DGKB: variants seen among roughly 807,000 people sequenced by gnomAD.
DGKB encodes 90 kDa diacylglycerol kinase.
A neutral mutation model predicts 114.3 loss-of-function variants in DGKB; 67 were observed. That is an observed-to-expected ratio of 0.59 (90% CI 0.48 to 0.72). The LOEUF is 0.72. DGKB is among the 30% of genes least tolerant of loss of function. The pLI, the probability that DGKB is intolerant of heterozygous loss-of-function variation, is 0.00. For missense variants in DGKB, 907 were observed against 975.2 expected (o/e 0.93, Z 0.93); for synonymous variants, 398 against 323.1 (o/e 1.23, Z -2.49).
chr7:14,506,263 C>G (rs572344472), intron 20 of DGKB, among the ~76,000 whole-genome samples: 1 of 152,214 alleles, frequency 6.6e-6, no homozygotes, highest in Admixed American at 6.5e-5. Context: ...AGGATGTTGT[C>G]TTGACTCAAC....
At chr7:14,714,415 A>G (rs1040537604) in intron 6 of DGKB, among the ~76,000 whole-genome samples, 1 of 152,174 alleles carries the variant, frequency 6.6e-6, no homozygotes, top group Non-Finnish European at 1.5e-5. Flanking sequence ...CTGTGGAGTC[A>G]GATCGGTGTA....
chr7:14,340,276 G>A (rs994757687), intron 22 of DGKB, among the ~76,000 whole-genome samples: 26 of 145,838 alleles, frequency 1.8e-4, no homozygotes, highest in African/African-American at 5.6e-4. Flanking sequence ...CTCACTTACC[G>A]CTATATATTC....
intron 13 of DGKB, among the ~76,000 whole-genome samples, chr7:14,664,273 T>C (rs1817652465): frequency 6.6e-6 from 1 of 151,990 alleles, no homozygotes; most frequent in African/African-American, 2.4e-5. Flanking sequence ...TTCTACTCTC[T>C]GCTACAGTTT....
Position 14,682,589 on chromosome 7 carries a change from G to C in DGKB, c.999C>G (p.Gly333=). The change falls in exon 12 of 26, where the codon GGC becomes GGG. Residue 333 remains glycine, a synonymous_variant. Coordinates refer to ENST00000402815, the MANE Select transcript of DGKB (RefSeq NM_001350709.2). ...KCHKTVKCYQ[G]LTGLHCVWCQ... The stretch of plus-strand genomic sequence containing the variant: ...ACCAAACACAATGCAGTCCTGTCAG[G>C]CCCTGGTAACATTTAACAGTTTTGT... 1 of 1,613,388 alleles carries C rather than the reference G, an allele frequency of 6.2e-7. No individual in the cohort carries two copies. The highest frequency in any genetic ancestry group is 8.5e-7 in the Non-Finnish European group (1 of 1,179,464).
At chr7:14,679,591 A>T (rs2128962843) in intron 12 of DGKB, among the ~76,000 whole-genome samples, 1 of 152,152 alleles carries the variant, frequency 6.6e-6, no homozygotes, top group African/African-American at 2.4e-5. Context: ...TTCTTCACGG[A>T]ACCCGAATTT....
chr7:14,658,921 C>T (rs541154043), intron 13 of DGKB, among the ~76,000 whole-genome samples: 1 of 151,862 alleles, frequency 6.6e-6, no homozygotes, highest in South Asian at 2.1e-4. Flanking sequence ...TTAAACTTTA[C>T]TTTAAAGTTC....
intron 23 of DGKB, among the ~76,000 whole-genome samples, chr7:14,237,058 G>A (rs761547105): frequency 4.0e-5 from 6 of 151,800 alleles, no homozygotes; most frequent in Non-Finnish European, 8.8e-5. Context: ...GCTTAAATTT[G>A]TGCTCTTCCT....
intron 21 of DGKB, among the ~76,000 whole-genome samples, chr7:14,468,291 C>G (rs932108217): frequency 6.6e-6 from 1 of 151,958 alleles, no homozygotes; most frequent in African/African-American, 2.4e-5. Flanking sequence ...TGTCCATTGT[C>G]TAATTAGTTT....
intron 15 of DGKB, among the ~76,000 whole-genome samples, chr7:14,620,250 T>A (rs892662648): frequency 6.6e-6 from 1 of 151,310 alleles, no homozygotes; most frequent in East Asian, 1.9e-4. Context: ...AATTCCCTCC[T>A]TTTATATTTG....
intron 4 of DGKB, 114 bp from the exon 5 acceptor site, chr7:14,736,308 G>A: frequency 1.6e-6 from 1 of 641,632 alleles, no homozygotes; most frequent in Non-Finnish European, 2.6e-6. Context: ...TTATATCCAA[G>A]TTTAACAAAT....
chr7:14,205,662 A>G (rs1786668270), intron 23 of DGKB, among the ~76,000 whole-genome samples: 1 of 152,038 alleles, frequency 6.6e-6, no homozygotes, highest in Non-Finnish European at 1.5e-5. Flanking sequence ...TCACCTTTAG[A>G]CAGGACATGC....
At chr7:14,960,579 G>A (rs934198965) in intron 1 of DGKB, among the ~76,000 whole-genome samples, 1 of 151,964 alleles carries the variant, frequency 6.6e-6, no homozygotes, top group Non-Finnish European at 1.5e-5. Context: ...ATAAGCTCCT[G>A]TATATTGTAA....
intron 12 of DGKB, among the ~76,000 whole-genome samples, chr7:14,681,982 G>A (rs1447827884): frequency 6.6e-6 from 1 of 152,058 alleles, no homozygotes; most frequent in African/African-American, 2.4e-5. Context: ...ATTTTTAGAT[G>A]CATCAAGACC....
At position 14,824,141 on chromosome 7, in the gene DGKB, C is replaced by T. The variant is rs11972459; in HGVS notation, c.70+17053G>A. Among the ~76,000 whole-genome samples the T allele has an allele frequency of 1.2e-3, 190 of 152,114 alleles. 1 individual carries two copies. The highest frequency in any genetic ancestry group is 4.1e-3 in the African/African-American group (169 of 41,516). On this transcript the variant is annotated intron_variant, in intron 2 of 25. Transcript: ENST00000402815. ...GGGAAAGAGCACAGGAAAGACCCAC[C>T]CCCCATGATTCAATTACCTCACACC...
chr7:14,365,406 T>C (rs1203347122), intron 21 of DGKB, among the ~76,000 whole-genome samples: 1 of 151,986 alleles, frequency 6.6e-6, no homozygotes, highest in South Asian at 2.1e-4. Context: ...TGGAGTGATA[T>C]ATGTAAAAGA....
At chr7:14,715,763 T>A (rs1828083326) in intron 6 of DGKB, among the ~76,000 whole-genome samples, 1 of 152,226 alleles carries the variant, frequency 6.6e-6, no homozygotes, top group Non-Finnish European at 1.5e-5. Flanking sequence ...AATAACACCC[T>A]TTCCTTCTAT....
chr7:14,439,139 T>C (rs576862678), intron 21 of DGKB, among the ~76,000 whole-genome samples: 1 of 151,970 alleles, frequency 6.6e-6, no homozygotes, highest in East Asian at 1.9e-4. Context: ...AAAGGAGGAG[T>C]TACTTTCATT....
At chr7:14,594,791 T>A (rs1365710958) in intron 17 of DGKB, among the ~76,000 whole-genome samples, 1 of 152,060 alleles carries the variant, frequency 6.6e-6, no homozygotes, top group Non-Finnish European at 1.5e-5. Context: ...AGGAAATAAA[T>A]CTAGACTTCT....
At chr7:14,279,567 T>G (rs532092613) in intron 23 of DGKB, among the ~76,000 whole-genome samples, 47 of 152,318 alleles carry the variant, frequency 3.1e-4, no homozygotes, top group Admixed American at 7.8e-4. Context: ...TCTTTAAGAA[T>G]GTTGAATATT....
Sources: allele counts gnomAD v4.1 joint callset (sites outside exome capture counted in the v4.1 genomes callset), GRCh38; gene constraint gnomAD v4.1.1; transcripts MANE v1.5; gene names NCBI Gene and HGNC (gene_info 2026-07-23, HGNC 2026-07-21).